CPQ: variants seen among roughly 807,000 people sequenced by gnomAD.
The protein encoded by CPQ is Ser-Met dipeptidase.
In CPQ, 37 loss-of-function variants were observed where a neutral mutation model predicts 45.7. The ratio of observed to expected loss-of-function variants is 0.81; its 90% CI spans 0.62 to 1.07. The LOEUF (loss-of-function observed/expected upper bound fraction) is 1.07, where lower values mean the gene tolerates loss of function less well. CPQ is among the 50% of genes least tolerant of loss of function. CPQ has a pLI of 0.00. For synonymous variants in CPQ, 186 were observed against 205.8 expected (o/e 0.90, Z 0.82); for missense variants, 537 against 572.9 (o/e 0.94, Z 0.64).
intron 7 of CPQ, among the ~76,000 whole-genome samples, chr8:97,142,315 T>C (rs1812181797): frequency 6.6e-6 from 1 of 152,152 alleles, no homozygotes; most frequent in African/African-American, 2.4e-5. Flanking sequence ...GAAGTTTCCC[T>C]GAGGCTATGA....
chr8:96,875,068 T>C, intron 3 of CPQ, among the ~76,000 whole-genome samples: 1 of 151,974 alleles, frequency 6.6e-6, no homozygotes, highest in Non-Finnish European at 1.5e-5. Context: ...GATTTGCATT[T>C]CCTTTATAGC....
chr8:97,064,880 C>T (rs1167264997), intron 6 of CPQ, among the ~76,000 whole-genome samples: 5 of 152,068 alleles, frequency 3.3e-5, no homozygotes, highest in South Asian at 2.1e-4. Context: ...TCAGAGCCAG[C>T]GCTACCATTT....
At chr8:97,021,204 G>A (rs1809673882) in intron 5 of CPQ, among the ~76,000 whole-genome samples, 1 of 152,086 alleles carries the variant, frequency 6.6e-6, no homozygotes, top group Non-Finnish European at 1.5e-5. Flanking sequence ...AGCAAAATCG[G>A]CATATAAGGG....
chr8:96,868,292 C>T (rs959592208), intron 3 of CPQ, among the ~76,000 whole-genome samples: 1 of 152,070 alleles, frequency 6.6e-6, no homozygotes, highest in African/African-American at 2.4e-5. Flanking sequence ...TAACTGATAA[C>T]ACCAATCATT....
intron 3 of CPQ, among the ~76,000 whole-genome samples, chr8:96,847,323 C>G (rs1811708846): frequency 6.6e-6 from 1 of 152,162 alleles, no homozygotes; most frequent in Non-Finnish European, 1.5e-5. Context: ...AAATGTTTTT[C>G]TAATTCAATT....
intron 2 of CPQ, among the ~76,000 whole-genome samples, chr8:96,788,842 A>C (rs1810810485): frequency 6.6e-6 from 1 of 151,454 alleles, no homozygotes; most frequent in Admixed American, 6.6e-5. Flanking sequence ...TTTGTTCTTC[A>C]GATTGTATGA....
intron 4 of CPQ, among the ~76,000 whole-genome samples, chr8:96,965,292 G>T (rs1426252723): frequency 6.6e-6 from 1 of 151,396 alleles, no homozygotes; most frequent in Non-Finnish European, 1.5e-5. Context: ...GAAGTTTCAA[G>T]CTTCATTTTT....
intron 1 of CPQ, among the ~76,000 whole-genome samples, chr8:96,708,639 A>G (rs1563475163): frequency 6.6e-6 from 1 of 152,016 alleles, no homozygotes; most frequent in Non-Finnish European, 1.5e-5. Context: ...ATTTTCTGTC[A>G]TTAGTTTCCT....
chr8:97,021,911 A>G (rs972714954), intron 5 of CPQ, among the ~76,000 whole-genome samples: 5 of 152,208 alleles, frequency 3.3e-5, no homozygotes, highest in African/African-American at 1.2e-4. Context: ...CCAAAAAAAG[A>G]GCCCACATAG....
chr8:96,683,139 A>G (rs946730557), intron 1 of CPQ, among the ~76,000 whole-genome samples: 7 of 151,402 alleles, frequency 4.6e-5, no homozygotes, highest in African/African-American at 7.3e-5. Context: ...TGTTTTTATG[A>G]TGGTAGAGAT....
chr8:96,714,482 A>T (rs941912531), intron 1 of CPQ, among the ~76,000 whole-genome samples: 14 of 152,086 alleles, frequency 9.2e-5, no homozygotes, highest in Non-Finnish European at 1.9e-4. Flanking sequence ...AATTTCCAGA[A>T]GTTTTGATTG....
chr8:96,994,657 A>G (rs1809148328), intron 5 of CPQ, among the ~76,000 whole-genome samples: 1 of 152,060 alleles, frequency 6.6e-6, no homozygotes, highest in Admixed American at 6.6e-5. Context: ...TGCCAAAAAA[A>G]AGAACCTGGC....
chr8:97,050,129 C>T (rs1810333977), intron 6 of CPQ, among the ~76,000 whole-genome samples: 1 of 152,184 alleles, frequency 6.6e-6, no homozygotes, highest in Non-Finnish European at 1.5e-5. Context: ...TCACCTTGAA[C>T]ACTCTAGAGT....
At chr8:96,697,667 G>A (rs1809403875) in intron 1 of CPQ, among the ~76,000 whole-genome samples, 1 of 152,038 alleles carries the variant, frequency 6.6e-6, no homozygotes, top group Admixed American at 6.6e-5. Context: ...TAAGGTGGCA[G>A]GATACAAAAT....
rs572459749 is a variant in CPQ, at chr8:96,958,110, A to G, written c.850-7825A>G. Among the ~76,000 whole-genome samples the G allele has an allele frequency of 9.9e-5, 15 of 152,022 alleles. No individual in the cohort carries two copies. The South Asian group carries it at 2.9e-3, about 30-fold the overall frequency. On this transcript the variant is annotated intron_variant, in intron 4 of 7. Transcript: ENST00000220763. ...CCCTCCTTGACTTCCCAAAGTGCTC[A>G]GATTACATGTGTGAGCCACCATGCT...
intron 3 of CPQ, among the ~76,000 whole-genome samples, chr8:96,843,384 GAGAAGAAAGGAAAGAAAGA>G (rs1811642288): frequency 6.6e-6 from 1 of 152,078 alleles, no homozygotes; most frequent in Admixed American, 6.5e-5. Flanking sequence ...AAGGAAGAAA[GAGAAGAAAGGAAAGAAAGA>G]AGAAGGAAGG....
At chr8:97,102,789 C>T (rs1383222307) in intron 7 of CPQ, among the ~76,000 whole-genome samples, 1 of 152,136 alleles carries the variant, frequency 6.6e-6, no homozygotes, top group Non-Finnish European at 1.5e-5. Context: ...GCTTAGTTGA[C>T]TATATTAGTT....
At chr8:96,718,543 A>C (rs1034111650) in intron 1 of CPQ, among the ~76,000 whole-genome samples, 1 of 152,176 alleles carries the variant, frequency 6.6e-6, no homozygotes, top group Non-Finnish European at 1.5e-5. Context: ...TCATAAAAGC[A>C]GTGTGGACCC....
At chr8:96,661,226 A>G (rs896538682) in intron 1 of CPQ, among the ~76,000 whole-genome samples, 1 of 152,144 alleles carries the variant, frequency 6.6e-6, no homozygotes, top group African/African-American at 2.4e-5. Context: ...TTTTTTGAAA[A>G]GCAGTTTTAG....
Sources: gnomAD v4.1 joint callset for allele counts (sites outside exome capture counted in the v4.1 genomes callset) on GRCh38, gnomAD v4.1.1 for gene constraint, MANE v1.5 for transcripts, NCBI Gene and HGNC (gene_info 2026-07-23, HGNC 2026-07-21) for gene names.